Variants in GART observed in about 807,000 individuals in gnomAD.
GART encodes trifunctional purine biosynthetic protein adenosine-3.
A neutral mutation model predicts 107.2 loss-of-function variants in GART; 43 were observed. The observed-to-expected ratio is 0.40, with a 90% CI of 0.31 to 0.52. GART has a LOEUF of 0.52. GART is among the 20% of genes least tolerant of loss of function. The pLI is 0.52. For missense variants in GART, 1,107 were observed against 1,206.5 expected (o/e 0.92, Z 1.22); for synonymous variants, 434 against 427.0 (o/e 1.02, Z -0.20).
At chr21:33,536,731 A>G (rs927055319) in intron 2 of GART, among the ~76,000 whole-genome samples, 4 of 152,246 alleles carry the variant, frequency 2.6e-5, no homozygotes, top group Admixed American at 2.0e-4. Flanking sequence ...CTGAGATAAT[A>G]TGATAGTCAA....
intron 16 of GART, among the ~76,000 whole-genome samples, chr21:33,516,567 A>T (rs978705489): frequency 2.6e-5 from 4 of 152,208 alleles, no homozygotes; most frequent in African/African-American, 9.6e-5. Context: ...CTTAACTAGA[A>T]ACCTGAGACT....
rs3057407 is a variant in GART, at chr21:33,513,105, CTGTGTGTG to C, written c.2108-1655_2108-1648del. On this transcript the variant is annotated intron_variant, in intron 16 of 21. Coordinates refer to ENST00000381815, the MANE Select transcript of GART (RefSeq NM_000819.5). ...TATTTGTGTGTGTGTGTGTGTGTCTCTGTGTGTGTGTGTGTGTGTGTGTGTGTGTGTGT... is the reference window on the plus strand; with the variant it reads ...TATTTGTGTGTGTGTGTGTGTGTCTCTGTGTGTGTGTGTGTGTGTGTGTGT... Among the ~76,000 whole-genome samples, 1,045 of 144,392 alleles carry C rather than the reference CTGTGTGTG, an allele frequency of 7.2e-3. 10 individuals are homozygous for C. Among genetic ancestry groups the C allele is most frequent in the African/African-American group, 0.018 (718 of 38,822 alleles). 94.7% of individuals were successfully genotyped at this position (144,392 alleles called of 152,430 possible). A position where few individuals can be genotyped will look rare whatever the true frequency, so the allele number is the denominator to read the frequency against.
intron 18 of GART, among the ~76,000 whole-genome samples, chr21:33,508,245 G>A (rs1167828109): frequency 6.6e-6 from 1 of 151,970 alleles, no homozygotes; most frequent in African/African-American, 2.4e-5. Flanking sequence ...ACTGACTGAT[G>A]AGAAATAAGC....
chr21:33,531,286 C>CT (rs2085183389), intron 6 of GART: 3 of 555,316 alleles, frequency 5.4e-6, no homozygotes, highest in South Asian at 2.9e-5. Flanking sequence ...AGTGCCCCCA[C>CT]TAACACACTA....
chr21:33,530,532 C>T (rs952145373), intron 7 of GART, among the ~76,000 whole-genome samples: 3 of 152,216 alleles, frequency 2.0e-5, no homozygotes, highest in Non-Finnish European at 4.4e-5. Flanking sequence ...AGGATCTATT[C>T]AACCCATACT....
At position 33,530,921 on chromosome 21, in the gene GART, G is replaced by C. The variant is rs745936647; in HGVS notation, c.598-37C>G. On this transcript the variant is annotated intron_variant, in intron 6 of 21. Transcript: ENST00000381815. ...ACAAAATAGTCCATTTATGTTAACT[G>C]TCAAAAACTAAAAAAAAAAATTTAG... 6.8e-7 allele frequency: 1 copy of C among 1,478,800 alleles called. No homozygotes were observed. Among genetic ancestry groups the C allele is most frequent in the African/African-American group, 1.5e-5 (1 of 66,856 alleles). The allele number at this position is 1,478,800 out of a possible 1,614,324, so 91.6% of individuals were successfully genotyped here.
chr21:33,538,380 C>T (rs2085343894), intron 2 of GART, among the ~76,000 whole-genome samples: 2 of 151,818 alleles, frequency 1.3e-5, no homozygotes, highest in Admixed American at 1.3e-4. Context: ...AGATGTGCAC[C>T]ACCATGCCTG....
intron 8 of GART, 70 bp downstream of exon 8, chr21:33,528,780 G>T: frequency 4.2e-6 from 5 of 1,193,444 alleles, no homozygotes; most frequent in South Asian, 1.4e-5. Flanking sequence ...AAAGGGAATG[G>T]AAAATAAGTT....
At chr21:33,524,430 AG>A in intron 11 of GART, 1 of 571,926 alleles carries the variant, frequency 1.7e-6, no homozygotes, top group Non-Finnish European at 2.2e-6. Context: ...CTGTGCCTGT[AG>A]TCCCAGCTAT....
chr21:33,513,524 C>T (rs912549973), intron 16 of GART, among the ~76,000 whole-genome samples: 24 of 151,934 alleles, frequency 1.6e-4, no homozygotes, highest in African/African-American at 4.1e-4. Flanking sequence ...GAGCTGAGAT[C>T]GCACTACTGT....
At chr21:33,514,810 CCTGT>C (rs1261728033) in intron 16 of GART, among the ~76,000 whole-genome samples, 2 of 152,196 alleles carry the variant, frequency 1.3e-5, no homozygotes, top group African/African-American at 2.4e-5. Flanking sequence ...CCTAGCCTGG[CCTGT>C]CTGTTTTGCT....
chr21:33,525,099 TA>T (rs1261127160), intron 10 of GART, 99 bp from the exon 11 acceptor site: 1 of 1,415,288 alleles, frequency 7.1e-7, no homozygotes, highest in Non-Finnish European at 9.2e-7. Context: ...TTTTTTTTTT[TA>T]ACTTGGCTAG....
At chr21:33,522,992 T>C (rs1386052854) in intron 11 of GART, among the ~76,000 whole-genome samples, 1 of 152,230 alleles carries the variant, frequency 6.6e-6, no homozygotes, top group Non-Finnish European at 1.5e-5. Context: ...TAACTGTATC[T>C]GTTTCCTAAT....
intron 16 of GART, among the ~76,000 whole-genome samples, chr21:33,514,563 C>T (rs2084843799): frequency 6.6e-6 from 1 of 152,160 alleles, no homozygotes; most frequent in Non-Finnish European, 1.5e-5. Flanking sequence ...ATTTATACCA[C>T]AAAAACTGGC....
At chr21:33,504,644 T>A (rs2084648470) in intron 20 of GART, 117 bp from the exon 21 acceptor site, 2 of 708,636 alleles carry the variant, frequency 2.8e-6, no homozygotes, top group African/African-American at 3.6e-5. Context: ...CTGGGATGGA[T>A]GTTTTCTTTG....
chr21:33,518,176 A>T (rs1343100538), intron 14 of GART, among the ~76,000 whole-genome samples: 2 of 152,240 alleles, frequency 1.3e-5, no homozygotes, highest in Non-Finnish European at 2.9e-5. Context: ...TCTTTAGCTT[A>T]ATTAGCTACA....
chr21:33,536,188 T>G (rs1420656343), intron 2 of GART, among the ~76,000 whole-genome samples: 2 of 152,220 alleles, frequency 1.3e-5, no homozygotes, highest in Admixed American at 1.3e-4. Context: ...GAGGCTATTT[T>G]GGGTTGGGTC....
chr21:33,537,513 A>G (rs1032648066), intron 2 of GART, among the ~76,000 whole-genome samples: 11 of 152,214 alleles, frequency 7.2e-5, no homozygotes, highest in Non-Finnish European at 1.6e-4. Context: ...AACATAGAAG[A>G]CAGACAATAG....
At chr21:33,526,845 G>T (rs1287029511) in intron 10 of GART, among the ~76,000 whole-genome samples, 1 of 152,074 alleles carries the variant, frequency 6.6e-6, no homozygotes, top group African/African-American at 2.4e-5. Context: ...TTAATTTTTA[G>T]AAAACCATTC....
Sources: gnomAD v4.1 joint callset for allele counts (sites outside exome capture counted in the v4.1 genomes callset) on GRCh38, gnomAD v4.1.1 for gene constraint, MANE v1.5 for transcripts, NCBI Gene and HGNC (gene_info 2026-07-23, HGNC 2026-07-21) for gene names.